Variants in TRIM71 observed in about 807,000 individuals in gnomAD.
The protein encoded by TRIM71 is tripartite motif containing 71, also known as E3 ubiquitin-protein ligase TRIM71.
A neutral mutation model predicts 61.2 loss-of-function variants in TRIM71; 9 were observed. The observed-to-expected ratio is 0.15, with a 90% confidence interval of 0.09 to 0.26. TRIM71 has a LOEUF of 0.26. Ranked by LOEUF, TRIM71 falls within the 10% of genes least tolerant of loss-of-function variation. The pLI is 1.00. For synonymous variants in TRIM71, 645 were observed against 553.2 expected, an observed-to-expected ratio of 1.17 and a Z score of -2.33; for missense variants, 998 against 1,238.7, an observed-to-expected ratio of 0.81 and a Z score of 2.92.
intron 1 of TRIM71, among the ~76,000 whole-genome samples, chr3:32,843,756 A>G (rs1039852426): frequency 6.6e-6 from 1 of 152,164 alleles, no homozygotes; most frequent in Non-Finnish European, 1.5e-5. Context: ...TCTTCGCCCA[A>G]GGGCCATTAG....
chr3:32,856,739 C>T (rs967496325), intron 1 of TRIM71, among the ~76,000 whole-genome samples: 10 of 152,340 alleles, frequency 6.6e-5, no homozygotes, highest in African/African-American at 1.4e-4. Context: ...CTGGAGAACC[C>T]GGGGCAGGAG....
At position 32,895,406 on chromosome 3, in the gene TRIM71, A is replaced by C. The variant is rs1007650566; in HGVS notation, c.*3595A>C. 3 of 152,192 alleles carry C rather than the reference A, an allele frequency of 2.0e-5. No homozygotes were observed. Among genetic ancestry groups the C allele is most frequent in the African/African-American group, 7.2e-5 (3 of 41,438 alleles). The allele number at this position is 152,192 out of a possible 1,614,324, so 9.4% of individuals were successfully genotyped here. A position where few individuals can be genotyped will look rare whatever the true frequency, so the allele number is the denominator to read the frequency against. On this transcript the variant is annotated 3_prime_UTR_variant, in exon 4 of 4. Transcript: ENST00000383763. Reference sequence around the variant, plus strand: ...GATAGCTTGAGATCGGCTCAGTCTGATTTATTCTAGTTAAGCCAAAGCTTA... The same window carrying C: ...GATAGCTTGAGATCGGCTCAGTCTGCTTTATTCTAGTTAAGCCAAAGCTTA...
intron 2 of TRIM71, among the ~76,000 whole-genome samples, chr3:32,877,984 C>T (rs1437775660): frequency 6.6e-6 from 1 of 152,104 alleles, no homozygotes; most frequent in Non-Finnish European, 1.5e-5. Flanking sequence ...AAAGTGAGTA[C>T]CACACATGTT....
chr3:32,865,893 T>A (rs1013863360), intron 1 of TRIM71, among the ~76,000 whole-genome samples: 2 of 142,478 alleles, frequency 1.4e-5, no homozygotes, highest in Non-Finnish European at 3.0e-5. Flanking sequence ...CAGTGGAGAT[T>A]TTGGCTCACT....
intron 1 of TRIM71, among the ~76,000 whole-genome samples, chr3:32,847,168 G>A (rs924694796): frequency 6.6e-6 from 1 of 150,972 alleles, no homozygotes; most frequent in African/African-American, 2.4e-5. Flanking sequence ...TGGACTACAG[G>A]CTCTCGCCGC....
At chr3:32,847,030 T>G (rs748911704) in intron 1 of TRIM71, among the ~76,000 whole-genome samples, 14 of 152,076 alleles carry the variant, frequency 9.2e-5, no homozygotes, top group Non-Finnish European at 1.8e-4. Context: ...CTGGATCATG[T>G]GGAAGTTCTG....
rs1381566753 is a variant in TRIM71, at chr3:32,818,175, C to T, written c.95C>T (p.Ser32Leu). 1.9e-6 allele frequency: 3 copies of T among 1,600,702 alleles called. No individual in the cohort carries two copies. The highest frequency in any genetic ancestry group is 1.1e-5 in the South Asian group (1 of 90,618). Residue 32 changes from serine (S) to leucine (L), a missense_variant, in exon 1 of 4, where the codon TCG (serine) becomes TTG (leucine). By Grantham distance (145) the Ser-to-Leu change is moderately radical. This residue lies in a region of TRIM71 where 527 missense variants were observed against 427.8 expected (regional missense o/e 1.23). Coordinates refer to ENST00000383763, the MANE Select transcript of TRIM71 (RefSeq NM_001039111.3). The part of the protein sequence containing the change: ...PAPLSSNSSA[S>L]SSSSQTSTSS... ...CCGCTCTCCTCCAACTCGTCCGCGTCGTCGTCCTCCTCGCAGACGTCCACG... is the reference window on the plus strand; with the variant it reads ...CCGCTCTCCTCCAACTCGTCCGCGTTGTCGTCCTCCTCGCAGACGTCCACG...
intron 1 of TRIM71, among the ~76,000 whole-genome samples, chr3:32,841,252 A>C (rs1696402389): frequency 6.6e-6 from 1 of 152,112 alleles, no homozygotes; most frequent in African/African-American, 2.4e-5. Context: ...CTCAAAAAAC[A>C]AAACAAAAAA....
chr3:32,885,818 T>C, intron 2 of TRIM71, 116 bp from the exon 3 acceptor site: 1 of 1,408,164 alleles, frequency 7.1e-7, no homozygotes, highest in Non-Finnish European at 9.5e-7. Context: ...GTGAATCAAG[T>C]GGTCTGGGAA....
chr3:32,818,276 T>G lies in TRIM71; in HGVS notation c.196T>G (p.Cys66Gly), dbSNP rs968686067. ...LHVLPCLHAF[C>G]RPCLEAHRLP... Reference sequence around the variant, plus strand: ...CGTCCTGCCCTGCCTGCACGCCTTCTGCCGCCCCTGCCTCGAGGCGCACCG... The same window carrying G: ...CGTCCTGCCCTGCCTGCACGCCTTCGGCCGCCCCTGCCTCGAGGCGCACCG... Residue 66 changes from cysteine to glycine, a missense_variant, in exon 1 of 4, where the codon TGC (cysteine) becomes GGC (glycine). By Grantham distance (159) the Cys-to-Gly change is radical. This residue lies in a region of TRIM71 where 527 missense variants were observed against 427.8 expected (regional missense o/e 1.23). Coordinates refer to ENST00000383763, the MANE Select transcript of TRIM71 (RefSeq NM_001039111.3). The G allele has an allele frequency of 7.0e-7, 1 of 1,424,948 alleles. No homozygotes were observed. 88.3% of individuals were successfully genotyped at this position (1,424,948 alleles called of 1,614,324 possible).
intron 1 of TRIM71, among the ~76,000 whole-genome samples, chr3:32,865,566 G>A (rs1696723974): frequency 6.6e-6 from 1 of 152,060 alleles, no homozygotes; most frequent in Non-Finnish European, 1.5e-5. Flanking sequence ...TCTTATCTGG[G>A]TTTTCATCTT....
intron 1 of TRIM71, among the ~76,000 whole-genome samples, chr3:32,859,713 C>T (rs146607993): frequency 1.3e-5 from 2 of 152,276 alleles, no homozygotes; most frequent in East Asian, 3.9e-4. Flanking sequence ...CCTGGCTTTC[C>T]AGGGGTCACT....
At chr3:32,825,189 T>TA (rs1210051692) in intron 1 of TRIM71, among the ~76,000 whole-genome samples, 2 of 152,192 alleles carry the variant, frequency 1.3e-5, no homozygotes. Context: ...TCCTCACATG[T>TA]AAAATTATGA....
intron 1 of TRIM71, among the ~76,000 whole-genome samples, 160 bp from the exon 2 acceptor site, chr3:32,873,658 T>A (rs772606919): frequency 6.6e-6 from 1 of 152,190 alleles, no homozygotes; most frequent in Non-Finnish European, 1.5e-5. Context: ...TTTTTAGTTA[T>A]GTTTGCAGTT....
Position 32,890,544 on chromosome 3 carries a change from T to A in TRIM71, c.1340T>A (p.Val447Glu). 6.2e-7 allele frequency: 1 copy of A among 1,613,978 alleles called. No individual in the cohort carries two copies. Among genetic ancestry groups the A allele is most frequent in the Non-Finnish European group, 8.5e-7 (1 of 1,180,030 alleles). ...MLAQVQELKT[V>E]RSLLQPQEDD... ...GCCCAGGTGCAGGAGCTGAAGACCG[T>A]GCGGAGCCTCCTGCAGCCCCAGGAA... Residue 447 changes from valine to glutamate, a missense_variant, in exon 4 of 4, where the codon GTG (valine) becomes GAG (glutamate). By Grantham distance (121) the Val-to-Glu change is moderately radical (BLOSUM62 -2). Transcript: ENST00000383763. The surrounding 1 kb of genome is among the most constrained non-coding windows in gnomAD (Gnocchi z 6.2).
In TRIM71 at chr3:32,833,483, C is replaced by T. The variant is rs547683157; in HGVS notation, c.852+14551C>T. Among the ~76,000 whole-genome samples the T allele has an allele frequency of 3.3e-5, 5 of 152,118 alleles. 1 individual carries two copies. The South Asian group carries it at 1.0e-3, about 32-fold the overall frequency. On this transcript the variant is annotated intron_variant, in intron 1 of 3. Coordinates refer to ENST00000383763, the MANE Select transcript of TRIM71 (RefSeq NM_001039111.3). ...CTTCTGACTGGAGTGGAGGCTGCTG[C>T]TGTTGCACAGAGGGAGCATCTGTGG...
chr3:32,845,725 T>G (rs977743515), intron 1 of TRIM71, among the ~76,000 whole-genome samples: 1 of 152,226 alleles, frequency 6.6e-6, no homozygotes, highest in East Asian at 1.9e-4. Flanking sequence ...GATCTTTTTT[T>G]TTTTTTGAAA....
In TRIM71 at chr3:32,892,016, ACTTAT is replaced by A. The variant is rs1377474085; in HGVS notation, c.*209_*213del. 1.5e-6 allele frequency: 1 copy of A among 671,290 alleles called. No individual in the cohort carries two copies. The highest frequency in any genetic ancestry group is 3.3e-5 in the East Asian group (1 of 30,622). 41.6% of individuals were successfully genotyped at this position (671,290 alleles called of 1,614,324 possible). On this transcript the variant is annotated 3_prime_UTR_variant, in exon 4 of 4. Coordinates refer to ENST00000383763, the MANE Select transcript of TRIM71 (RefSeq NM_001039111.3). ...TCTTTATTTTTTTACAGATGAATGT[ACTTAT>A]CTTTTCTGCAGGGATTGAGCCTGTG...
intron 3 of TRIM71, among the ~76,000 whole-genome samples, chr3:32,889,363 A>G (rs1215648685): frequency 6.6e-6 from 1 of 152,128 alleles, no homozygotes; most frequent in Admixed American, 6.5e-5. Flanking sequence ...CTACAGACTC[A>G]GCCTCCTAGG....
Sources: gnomAD v4.1 joint callset for allele counts (sites outside exome capture counted in the v4.1 genomes callset) on GRCh38, gnomAD v4.1.1 for gene constraint, gnomAD v4.1.1 regional missense constraint, Gnocchi (gnomAD v3.1) non-coding constraint, MANE v1.5 for transcripts, NCBI Gene and HGNC (gene_info 2026-07-23, HGNC 2026-07-21) for gene names.